The following SPECC1 variants were observed in gnomAD, a reference collection of about 807,000 sequenced individuals.
The protein encoded by SPECC1 is cytospin-B.
In SPECC1, 62 loss-of-function variants were observed where a neutral mutation model predicts 104.1. The ratio of observed to expected loss-of-function variants is 0.60; its 90% CI spans 0.49 to 0.74. The LOEUF (loss-of-function observed/expected upper bound fraction) is 0.74, where lower values mean the gene tolerates loss of function less well. Ranked by LOEUF, SPECC1 falls within the 30% of genes least tolerant of loss-of-function variation. The probability of loss-of-function intolerance (pLI) is 0.00; values close to 1 mark genes in which losing one functional copy is unlikely to be tolerated. For missense variants in SPECC1, 1,306 were observed against 1,310.5 expected (o/e 1.00, Z 0.05); for synonymous variants, 513 against 501.6 (o/e 1.02, Z -0.30).
rs1055418934 is a variant in SPECC1, at chr17:20,040,017, T to A, written c.-22+30593T>A. On this transcript the variant is annotated intron_variant, in intron 1 of 14. Coordinates refer to ENST00000395527, the MANE Select transcript of SPECC1 (RefSeq NM_001243439.2). ...TAAAAAATTTAGTTTGTCCTCCTCT[T>A]TTTTTCTCTTTTTGTCTTGTCTTCC... Among the ~76,000 whole-genome samples the A allele has an allele frequency of 4.5e-3, 683 of 152,258 alleles. 8 individuals are homozygous for A. The highest frequency in any genetic ancestry group is 0.015 in the African/African-American group (642 of 41,538).
chr17:20,243,733 C>T (rs1407088577), intron 7 of SPECC1, among the ~76,000 whole-genome samples: 1 of 152,042 alleles, frequency 6.6e-6, no homozygotes, highest in South Asian at 2.1e-4. Flanking sequence ...ATTCTTGTGG[C>T]CTTGCTTTTT....
At chr17:20,111,037 A>T (rs2048465407) in intron 3 of SPECC1, among the ~76,000 whole-genome samples, 1 of 152,312 alleles carries the variant, frequency 6.6e-6, no homozygotes, top group South Asian at 2.1e-4. Flanking sequence ...TGGCAACAGG[A>T]AGCTGTGAAC....
chr17:20,052,687 A>G (rs1006443427), intron 1 of SPECC1, among the ~76,000 whole-genome samples: 1 of 152,218 alleles, frequency 6.6e-6, no homozygotes, highest in African/African-American at 2.4e-5. Context: ...CTTCTTAGAT[A>G]CGTGGCCCAA....
intron 12 of SPECC1, among the ~76,000 whole-genome samples, chr17:20,282,164 GTGTT>G (rs1422437968): frequency 1.3e-5 from 2 of 152,254 alleles, no homozygotes; most frequent in East Asian, 1.9e-4. Flanking sequence ...GGACTTCTGA[GTGTT>G]TGTCAAGTGA....
At chr17:20,031,668 C>A (rs1230053279) in intron 1 of SPECC1, among the ~76,000 whole-genome samples, 1 of 152,146 alleles carries the variant, frequency 6.6e-6, no homozygotes, top group African/African-American at 2.4e-5. Flanking sequence ...CACGTTACTC[C>A]CTCCCTCAGC....
At chr17:20,032,824 A>G (rs1192015653) in intron 1 of SPECC1, among the ~76,000 whole-genome samples, 1 of 151,928 alleles carries the variant, frequency 6.6e-6, no homozygotes, top group Non-Finnish European at 1.5e-5. Flanking sequence ...ACCCCATCCT[A>G]TCATAACCAC....
chr17:20,054,507 G>T (rs2045887248), intron 1 of SPECC1, among the ~76,000 whole-genome samples: 1 of 152,070 alleles, frequency 6.6e-6, no homozygotes, highest in Non-Finnish European at 1.5e-5. Context: ...GTCCCCAGGG[G>T]ATACCTGTGT....
chr17:20,178,219 C>A (rs2034610272), intron 3 of SPECC1, among the ~76,000 whole-genome samples: 1 of 152,190 alleles, frequency 6.6e-6, no homozygotes, highest in South Asian at 2.1e-4. Context: ...ACACATAGAT[C>A]TGTGTTTAAG....
chr17:20,085,280 T>C (rs762502915), intron 1 of SPECC1, among the ~76,000 whole-genome samples: 1 of 152,202 alleles, frequency 6.6e-6, no homozygotes, highest in Non-Finnish European at 1.5e-5. Flanking sequence ...GGCTGTGCTC[T>C]TTGAGGGTCG....
chr17:20,289,057 A>G (rs538602073), intron 12 of SPECC1, among the ~76,000 whole-genome samples: 2 of 152,238 alleles, frequency 1.3e-5, no homozygotes, highest in South Asian at 2.1e-4. Flanking sequence ...TGCTGGGATT[A>G]TAGGCATGAG....
intron 11 of SPECC1, among the ~76,000 whole-genome samples, chr17:20,258,382 C>G (rs2039907288): frequency 6.6e-6 from 1 of 152,160 alleles, no homozygotes; most frequent in African/African-American, 2.4e-5. Flanking sequence ...CCTCTGTCAC[C>G]TCCTCCCTTT....
chr17:20,184,838 T>C (rs1208752348), intron 3 of SPECC1, among the ~76,000 whole-genome samples: 1 of 152,364 alleles, frequency 6.6e-6, no homozygotes, highest in East Asian at 1.9e-4. Flanking sequence ...GCTGAACATA[T>C]TTTCATCAGT....
intron 1 of SPECC1, among the ~76,000 whole-genome samples, chr17:20,072,240 A>G (rs2046583670): frequency 1.3e-5 from 2 of 152,344 alleles, no homozygotes; most frequent in South Asian, 4.1e-4. Context: ...TCCTGATGAC[A>G]TCATTGGACC....
At position 20,205,668 on chromosome 17, in the gene SPECC1, G is replaced by T; in HGVS notation, c.1619G>T (p.Cys540Phe). 1 of 1,614,234 alleles carries T rather than the reference G, an allele frequency of 6.2e-7. No homozygotes were observed. Among genetic ancestry groups the T allele is most frequent in the South Asian group, 1.1e-5 (1 of 91,088 alleles). The stretch of plus-strand genomic sequence containing the variant: ...ATGATGGCCAAAACTTTGGAAGAGT[G>T]TAGAGTTACCTTGGAAGGGCTAAAA... Reference protein sequence around the residue: ...NNMMAKTLEECRVTLEGLKME... With the variant: ...NNMMAKTLEEFRVTLEGLKME... Residue 540 changes from cysteine to phenylalanine, a missense_variant, in exon 4 of 15, where the codon TGT (cysteine) becomes TTT (phenylalanine). Cys to Phe is a radical substitution (Grantham distance 205). Transcript: ENST00000395527.
intron 12 of SPECC1, among the ~76,000 whole-genome samples, chr17:20,268,425 A>G (rs1033363915): frequency 2.0e-5 from 3 of 152,260 alleles, no homozygotes; most frequent in African/African-American, 7.2e-5. Context: ...AAATCTGCTT[A>G]GCCAATAGCA....
At position 20,239,120 on chromosome 17, in the gene SPECC1, A is replaced by C. The variant is rs950806913; in HGVS notation, c.2351+6715A>C. On this transcript the variant is annotated intron_variant, in intron 7 of 14. Transcript: ENST00000395527. Reference sequence around the variant, plus strand: ...CATGGAGTAAAAATGCTAATTTTGCATAAATTTTTAAAACTCTAGGGTCTC... The same window carrying C: ...CATGGAGTAAAAATGCTAATTTTGCCTAAATTTTTAAAACTCTAGGGTCTC... 4.9e-6 allele frequency: 5 copies of C among 1,017,632 alleles called. No homozygotes were observed. The African/African-American group carries it at 1.0e-4, about 20-fold the overall frequency. The allele number at this position is 1,017,632 out of a possible 1,614,324, so 63.0% of individuals were successfully genotyped here.
chr17:20,076,659 C>A (rs1050913593), intron 1 of SPECC1, among the ~76,000 whole-genome samples: 16 of 152,032 alleles, frequency 1.1e-4, no homozygotes, highest in Non-Finnish European at 1.5e-4. Flanking sequence ...ATGGAACTTT[C>A]CTTATGTTTT....
intron 3 of SPECC1, among the ~76,000 whole-genome samples, chr17:20,187,190 A>G (rs951201443): frequency 6.6e-6 from 1 of 152,186 alleles, no homozygotes; most frequent in Non-Finnish European, 1.5e-5. Context: ...TTTCTGAATT[A>G]GGGATGCTCA....
intron 3 of SPECC1, among the ~76,000 whole-genome samples, chr17:20,168,131 A>G (rs1259973356): frequency 6.6e-6 from 1 of 152,232 alleles, no homozygotes; most frequent in African/African-American, 2.4e-5. Context: ...AATACTGTTA[A>G]TACTGTTTCT....
Sources: allele counts gnomAD v4.1 joint callset (sites outside exome capture counted in the v4.1 genomes callset), GRCh38; gene constraint gnomAD v4.1.1; transcripts MANE v1.5; gene names NCBI Gene and HGNC (gene_info 2026-07-23, HGNC 2026-07-21).